The following ARHGEF10L variants were observed in gnomAD, a reference collection of about 807,000 sequenced individuals.
ARHGEF10L encodes the protein Rho guanine nucleotide exchange factor 10 like, also known as rho guanine nucleotide exchange factor 10-like protein.
In ARHGEF10L, 69 loss-of-function variants were observed where a neutral mutation model predicts 141.2. That is an observed-to-expected ratio of 0.49 (90% confidence interval 0.40 to 0.60). ARHGEF10L has a LOEUF of 0.60. ARHGEF10L is among the 20% of genes least tolerant of loss of function. ARHGEF10L has a pLI of 0.00. For synonymous variants in ARHGEF10L, 711 were observed against 718.5 expected, an observed-to-expected ratio of 0.99 and a Z score of 0.17; for missense variants, 1,482 against 1,734.3, an observed-to-expected ratio of 0.85 and a Z score of 2.58.
chr1:17,694,025 C>CCTCT (rs2065302581), intron 27 of ARHGEF10L: 1 of 152,442 alleles, frequency 6.6e-6, no homozygotes, highest in Admixed American at 6.5e-5. Context: ...GCACTCCCAG[C>CCTCT]CTCTCCCTTG....
At chr1:17,689,904 G>A (rs2102540440) in intron 27 of ARHGEF10L, 1 of 454,422 alleles carries the variant, frequency 2.2e-6, no homozygotes, top group East Asian at 7.0e-5. Context: ...AGTTAGAACA[G>A]CCACTCCTGC....
At chr1:17,580,996 C>T (rs1027417131) in intron 2 of ARHGEF10L, among the ~76,000 whole-genome samples, 1 of 151,796 alleles carries the variant, frequency 6.6e-6, no homozygotes, top group Non-Finnish European at 1.5e-5. Context: ...AGCATTGCCG[C>T]ATTTAGTGAA....
intron 1 of ARHGEF10L, among the ~76,000 whole-genome samples, chr1:17,540,487 C>T (rs1436270897): frequency 1.3e-5 from 2 of 152,048 alleles, no homozygotes; most frequent in Non-Finnish European, 2.9e-5. Context: ...GCCGTGGCTG[C>T]GGAGCCGCCA....
At position 17,602,108 on chromosome 1, in the gene ARHGEF10L, TG is replaced by T; in HGVS notation, c.258-18del. ...GAGCCACCTCTGGACACCTCTGCAG[TG>T]CCATCTCTTGCCCGCAGGGTGCCAG... On this transcript the variant is annotated intron_variant, in intron 4 of 28. Coordinates refer to ENST00000361221, the MANE Select transcript of ARHGEF10L (RefSeq NM_018125.4). 6.5e-7 allele frequency: 1 copy of T among 1,545,302 alleles called. No homozygotes were observed. The highest frequency in any genetic ancestry group is 8.7e-7 in the Non-Finnish European group (1 of 1,144,468).
chr1:17,605,379 C>G (rs1245585786), intron 6 of ARHGEF10L, among the ~76,000 whole-genome samples: 1 of 152,112 alleles, frequency 6.6e-6, no homozygotes, highest in Non-Finnish European at 1.5e-5. Context: ...GCAATAATAG[C>G]CAGTCCTAGG....
At chr1:17,681,848 A>G (rs1020497349) in intron 26 of ARHGEF10L, among the ~76,000 whole-genome samples, 1 of 152,152 alleles carries the variant, frequency 6.6e-6, no homozygotes, top group African/African-American at 2.4e-5. Context: ...TTTGTCATCC[A>G]TGGGTGATCC....
At position 17,621,153 on chromosome 1, in the gene ARHGEF10L, G is replaced by A. The variant is rs189336852; in HGVS notation, c.943-711G>A. ...GGGACGGTACCCCAAGGCCTGTCTT[G>A]TGGAAGAGGGATAGCTCAAGGATTT... is the stretch of plus-strand genomic sequence containing the variant. On this transcript the variant is annotated intron_variant, in intron 10 of 28. Coordinates refer to ENST00000361221, the MANE Select transcript of ARHGEF10L (RefSeq NM_018125.4). This position sits in a 1 kb window ranked among gnomAD's most constrained non-coding sequence, Gnocchi z 4.1. 1.8e-4 allele frequency among the ~76,000 whole-genome samples: 28 copies of A among 152,334 alleles called. No individual in the cohort carries two copies. The highest frequency in any genetic ancestry group is 6.2e-4 in the South Asian group (3 of 4,828).
At chr1:17,531,396 G>T in the ARHGEF10L span, among the ~76,000 whole-genome samples, 2 of 152,192 alleles carry the variant, frequency 1.3e-5, no homozygotes, top group African/African-American at 4.8e-5. Flanking sequence ...TCATATCTGG[G>T]AGCTTAACCC....
the ARHGEF10L span, among the ~76,000 whole-genome samples, chr1:17,524,422 A>C: frequency 3.5e-4 from 28 of 80,806 alleles, no homozygotes; most frequent in South Asian, 1.2e-3. Flanking sequence ...CACACACACA[A>C]AATTAGCCTG....
intron 27 of ARHGEF10L, among the ~76,000 whole-genome samples, chr1:17,690,653 C>T (rs1238729938): frequency 6.6e-6 from 1 of 152,200 alleles, no homozygotes; most frequent in Non-Finnish European, 1.5e-5. Context: ...TGGGGTTTCC[C>T]GAAGGTTCCC....
intron 26 of ARHGEF10L, among the ~76,000 whole-genome samples, chr1:17,669,163 C>G (rs2063162672): frequency 6.6e-6 from 1 of 152,210 alleles, no homozygotes; most frequent in Non-Finnish European, 1.5e-5. Context: ...TTGAGAAAAC[C>G]CCCTATGGGG....
At chr1:17,550,986 A>G (rs550973312) in intron 1 of ARHGEF10L, among the ~76,000 whole-genome samples, 3 of 152,060 alleles carry the variant, frequency 2.0e-5, no homozygotes, top group African/African-American at 7.2e-5. Context: ...GGTGCTATTA[A>G]GCGTCTCACC....
intron 9 of ARHGEF10L, among the ~76,000 whole-genome samples, chr1:17,618,017 C>T (rs181419080): frequency 1.3e-5 from 2 of 152,282 alleles, no homozygotes; most frequent in Admixed American, 6.5e-5. Flanking sequence ...GCACTTGGTG[C>T]GGTGCTCAGC....
chr1:17,593,263 GC>G (rs1250493297), intron 4 of ARHGEF10L, among the ~76,000 whole-genome samples: 1 of 152,190 alleles, frequency 6.6e-6, no homozygotes, highest in East Asian at 1.9e-4. Flanking sequence ...GCCTACACGT[GC>G]ACGGACTTTA....
In ARHGEF10L at chr1:17,656,675, G is replaced by A. The variant is rs758443431; in HGVS notation, c.2827G>A (p.Asp943Asn). ...CTTCCACCTGCTCGCTGGCCTGCAG[G>A]ATGGGACCCTTGCTGCTTACCCTCG... ...SPFHLLAGLQDGTLAAYPRTS... is the reference protein window; with the variant it reads ...SPFHLLAGLQNGTLAAYPRTS... The change falls in exon 25 of 29, where the codon GAT (aspartate) becomes AAT (asparagine). Residue 943 changes from aspartate to asparagine, a missense_variant. Coordinates refer to ENST00000361221, the MANE Select transcript of ARHGEF10L (RefSeq NM_018125.4). This position sits in a 1 kb window ranked among gnomAD's most constrained non-coding sequence, Gnocchi z 4.9. The A allele has an allele frequency of 1.7e-5, 28 of 1,613,400 alleles. No individual in the cohort carries two copies. The highest frequency in any genetic ancestry group is 2.4e-5 in the Non-Finnish European group (28 of 1,179,994).
chr1:17,624,583 G>C, intron 13 of ARHGEF10L, 80 bp downstream of exon 13: 1 of 1,161,478 alleles, frequency 8.6e-7, no homozygotes, highest in Non-Finnish European at 1.3e-6. Flanking sequence ...TTTGGCCCCA[G>C]CTTTGGGTAT....
At chr1:17,562,130 C>T (rs1219600925) in intron 1 of ARHGEF10L, among the ~76,000 whole-genome samples, 1 of 151,816 alleles carries the variant, frequency 6.6e-6, no homozygotes, top group Non-Finnish European at 1.5e-5. Context: ...AAGATTGAGT[C>T]GGGGTTGGGT....
chr1:17,548,912 G>C (rs2764880), intron 1 of ARHGEF10L, among the ~76,000 whole-genome samples: 9,219 of 151,678 alleles, frequency 0.061, 323 homozygotes, highest in Middle Eastern at 0.079. Flanking sequence ...GCCTCCCAAA[G>C]TGCTGGGACT....
chr1:17,687,655 C>T lies in ARHGEF10L; in HGVS notation c.3092C>T (p.Ser1031Phe). The change falls in exon 27 of 29, where the codon TCC (serine) becomes TTC (phenylalanine). Residue 1031 changes from serine to phenylalanine, a missense_variant. Around this residue, in one of 3 missense-constraint regions of ARHGEF10L, gnomAD observed 858 missense variants for 966.3 expected, o/e 0.89. Transcript: ENST00000361221. ...KAGSGVWMAF[S>F]SGTSIRLFHT... is the part of the protein sequence containing the mutation. Reference sequence around the variant, plus strand: ...GGCAGCGGCGTCTGGATGGCCTTCTCCTCCGGCACCTCCATCCGCCTCTTC... The same window carrying T: ...GGCAGCGGCGTCTGGATGGCCTTCTTCTCCGGCACCTCCATCCGCCTCTTC... The T allele has an allele frequency of 6.2e-7, 1 of 1,612,692 alleles. No homozygotes were observed. The highest frequency in any genetic ancestry group is 8.5e-7 in the Non-Finnish European group (1 of 1,179,756).
Sources: allele counts gnomAD v4.1 joint callset (sites outside exome capture counted in the v4.1 genomes callset), GRCh38; gene constraint gnomAD v4.1.1; regional missense constraint gnomAD v4.1.1; non-coding constraint Gnocchi (gnomAD v3.1); transcripts MANE v1.5; gene names NCBI Gene and HGNC (gene_info 2026-07-23, HGNC 2026-07-21).